The following SLC1A7 variants were observed in gnomAD, a reference collection of about 807,000 sequenced individuals.
SLC1A7 encodes excitatory amino acid transporter 5.
In SLC1A7, 40 loss-of-function variants were observed where a neutral mutation model predicts 47.7. The ratio of observed to expected loss-of-function variants is 0.84; its 90% CI spans 0.65 to 1.09. SLC1A7 has a LOEUF of 1.09. Among genes scored for constraint, SLC1A7 ranks in the 50% least tolerant of loss-of-function variants. The pLI is 0.00. For synonymous variants in SLC1A7, 323 were observed against 325.6 expected, an observed-to-expected ratio of 0.99 and a Z score of 0.09; for missense variants, 746 against 769.5, an observed-to-expected ratio of 0.97 and a Z score of 0.36.
chr1:53,105,691 C>A, intron 4 of SLC1A7, 41 bp downstream of exon 4: 4 of 1,516,230 alleles, frequency 2.6e-6, no homozygotes, highest in Non-Finnish European at 3.7e-6. Context: ...CTCCTGCCTG[C>A]TGCCCCTTCC....
At chr1:53,106,592 A>T (rs1050048850) in intron 3 of SLC1A7, among the ~76,000 whole-genome samples, 13 of 96,420 alleles carry the variant, frequency 1.3e-4, no homozygotes, top group African/African-American at 4.1e-4. Flanking sequence ...AGAGCAAGAC[A>T]CCGTCTCAAA....
chr1:53,115,586 T>C (rs1033123730), intron 2 of SLC1A7: 17 of 154,042 alleles, frequency 1.1e-4, no homozygotes, highest in Non-Finnish European at 2.3e-4. Context: ...GAGGAGTGAG[T>C]GAGAGCGCTG....
chr1:53,108,321 G>C, intron 3 of SLC1A7: 1 of 460,628 alleles, frequency 2.2e-6, no homozygotes, highest in Non-Finnish European at 3.9e-6. Context: ...CTCGTAAGAA[G>C]CCAAATGGAA....
intron 2 of SLC1A7, among the ~76,000 whole-genome samples, chr1:53,117,166 G>A (rs747878524): frequency 5.3e-5 from 8 of 152,200 alleles, no homozygotes; most frequent in African/African-American, 1.2e-4. Flanking sequence ...GCAGACATGC[G>A]CAGCAGTGAG....
Position 53,087,843 on chromosome 1 carries a change from T to C in SLC1A7, c.*166A>G. The stretch of plus-strand genomic sequence containing the variant: ...GGGCTCCCCCATGCAGCCTTTCCCT[T>C]CTCTGAGATACATTTTCCGTCAAGC... On this transcript the variant is annotated 3_prime_UTR_variant, in exon 11 of 11. Coordinates refer to ENST00000371494, the MANE Select transcript of SLC1A7 (RefSeq NM_006671.6). The C allele has an allele frequency of 2.4e-6, 1 of 418,628 alleles. No homozygotes were observed. Among genetic ancestry groups the C allele is most frequent in the South Asian group, 1.0e-4 (1 of 9,822 alleles). 25.9% of individuals were successfully genotyped at this position (418,628 alleles called of 1,614,324 possible).
chr1:53,094,572 A>C (rs565340320), intron 5 of SLC1A7, among the ~76,000 whole-genome samples: 78 of 152,200 alleles, frequency 5.1e-4, no homozygotes, highest in Non-Finnish European at 9.3e-4. Context: ...CCTGAGCCAC[A>C]CAGTCCATGG....
intron 2 of SLC1A7, among the ~76,000 whole-genome samples, chr1:53,133,383 G>T (rs1404067468): frequency 6.6e-6 from 1 of 152,182 alleles, no homozygotes; most frequent in South Asian, 2.1e-4. Context: ...GCTTGCAAAG[G>T]CCTCTGTGCA....
At chr1:53,091,963 G>A (rs1490135939) in intron 7 of SLC1A7, among the ~76,000 whole-genome samples, 1 of 152,234 alleles carries the variant, frequency 6.6e-6, no homozygotes, top group Admixed American at 6.5e-5. Context: ...TTAAGGCCAA[G>A]TGCTGGTTCA....
intron 7 of SLC1A7, chr1:53,091,081 AGGTCTGAGCAGCAG>A (rs1644416958): frequency 2.2e-6 from 2 of 896,668 alleles, no homozygotes; most frequent in Non-Finnish European, 3.3e-6. Flanking sequence ...AGGGATATGG[AGGTCTGAGCAGCAG>A]GGCCCTGGGC....
intron 2 of SLC1A7, among the ~76,000 whole-genome samples, chr1:53,120,783 G>A (rs115818193): frequency 0.011 from 1,635 of 152,356 alleles, 27 homozygotes; most frequent in African/African-American, 0.037. Context: ...GGGCTGGCAC[G>A]GAGTGCCGGG....
At chr1:53,137,484 T>C (rs1023994135) in intron 1 of SLC1A7, among the ~76,000 whole-genome samples, 4 of 152,182 alleles carry the variant, frequency 2.6e-5, no homozygotes, top group African/African-American at 7.2e-5. Context: ...CCTGCCATGA[T>C]TGATGAGGAG....
Position 53,092,637 on chromosome 1 carries a change from G to A in SLC1A7, c.948C>T (p.Tyr316=), listed in dbSNP as rs1400386709. 3.1e-6 allele frequency: 5 copies of A among 1,614,090 alleles called. No individual in the cohort carries two copies. The Admixed American group carries it at 6.7e-5, about 22-fold the overall frequency. ...TGGGATTCTTCTTGGTGATGAAGAAGTAGAGCAGGGGCAGGATAAAGAGCC... is the reference window on the plus strand; with the variant it reads ...TGGGATTCTTCTTGGTGATGAAGAAATAGAGCAGGGGCAGGATAAAGAGCC... ...LHGLFILPLL[Y]FFITKKNPIV... The change falls in exon 7 of 11, where the codon TAC becomes TAT. Residue 316 remains tyrosine (Y), a synonymous_variant. Coordinates refer to ENST00000371494, the MANE Select transcript of SLC1A7 (RefSeq NM_006671.6).
At chr1:53,132,049 G>A (rs1480058259) in intron 2 of SLC1A7, among the ~76,000 whole-genome samples, 2 of 152,188 alleles carry the variant, frequency 1.3e-5, no homozygotes, top group African/African-American at 2.4e-5. Flanking sequence ...GCCCTGAGAT[G>A]GTAAGGGCTT....
At chr1:53,093,773 T>C (rs1644453654) in intron 5 of SLC1A7, among the ~76,000 whole-genome samples, 1 of 149,226 alleles carries the variant, frequency 6.7e-6, no homozygotes, top group South Asian at 2.1e-4. Context: ...CAGCAGCCAA[T>C]GTCACCTCCT....
At chr1:53,095,240 C>T (rs983697739) in intron 5 of SLC1A7, among the ~76,000 whole-genome samples, 11 of 151,836 alleles carry the variant, frequency 7.2e-5, no homozygotes, top group African/African-American at 2.4e-4. Context: ...GTAAGCCAGG[C>T]GCATGCTGAT....
intron 7 of SLC1A7, among the ~76,000 whole-genome samples, chr1:53,092,254 C>T (rs1237610741): frequency 1.3e-5 from 2 of 152,246 alleles, no homozygotes; most frequent in Non-Finnish European, 2.9e-5. Context: ...AGCAGCAGTG[C>T]GTTGCCAATG....
At position 53,093,470 on chromosome 1, in the gene SLC1A7, A is replaced by C. The variant is rs78891054; in HGVS notation, c.788T>G (p.Val263Gly). The change falls in exon 6 of 11, where the codon GTG becomes GGG. Residue 263 changes from valine (V) to glycine (G), a missense_variant. Transcript: ENST00000371494. ...LNESVMKIVA[V>G]AVWYFPFGIV... ...AAATGAGGAGGCTTACCACACAGCC[A>C]CCGCCACGATCTTCATGACCGACTC... 6.2e-7 allele frequency: 1 copy of C among 1,609,260 alleles called. No individual in the cohort carries two copies.
chr1:53,092,303 G>A (rs1455227847), intron 7 of SLC1A7, among the ~76,000 whole-genome samples: 3 of 152,250 alleles, frequency 2.0e-5, no homozygotes, highest in African/African-American at 4.8e-5. Flanking sequence ...CTGCCCTGGC[G>A]CGTCGAGGCC....
At chr1:53,091,350 G>C (rs189044332) in intron 7 of SLC1A7, among the ~76,000 whole-genome samples, 8 of 152,198 alleles carry the variant, frequency 5.3e-5, no homozygotes, top group Non-Finnish European at 1.2e-4. Context: ...AAAACAGGCC[G>C]GTGTGGCCCC....
Sources: allele counts gnomAD v4.1 joint callset (sites outside exome capture counted in the v4.1 genomes callset), GRCh38; gene constraint gnomAD v4.1.1; transcripts MANE v1.5; gene names NCBI Gene and HGNC (gene_info 2026-07-23, HGNC 2026-07-21).